Variants in STPG2 observed in about 807,000 individuals in gnomAD.
STPG2 encodes the protein sperm tail PG-rich repeat containing 2.
STPG2 carries 56 observed loss-of-function variants against 54.2 expected under a neutral mutation model. That is an observed-to-expected ratio of 1.03 (90% confidence interval 0.83 to 1.29). The LOEUF (loss-of-function observed/expected upper bound fraction) is 1.29, where lower values mean the gene tolerates loss of function less well. Ranked by LOEUF, STPG2 falls within the 50% of genes most tolerant of loss-of-function variation. The pLI, the probability that STPG2 is intolerant of heterozygous loss-of-function variation, is 0.00. For missense variants in STPG2, 596 were observed against 544.9 expected, an observed-to-expected ratio of 1.09 and a Z score of -0.93; for synonymous variants, 200 against 181.8, an observed-to-expected ratio of 1.10 and a Z score of -0.81.
intron 9 of STPG2, among the ~76,000 whole-genome samples, chr4:97,785,316 A>C (rs1726791136): frequency 6.6e-6 from 1 of 152,032 alleles, no homozygotes; most frequent in Non-Finnish European, 1.5e-5. Flanking sequence ...TTAATATATT[A>C]TAAAGATGTA....
chr4:97,646,399 C>A (rs73834109), intron 10 of STPG2, among the ~76,000 whole-genome samples: 2,558 of 152,146 alleles, frequency 0.017, 71 homozygotes, highest in African/African-American at 0.058. Flanking sequence ...AGTATATCTT[C>A]TTTCATTTCA....
intron 6 of STPG2, among the ~76,000 whole-genome samples, chr4:97,978,058 A>G (rs1734551523): frequency 6.6e-6 from 1 of 152,214 alleles, no homozygotes; most frequent in African/African-American, 2.4e-5. Context: ...CAAAGTGCCA[A>G]TAGTTCCTTT....
At chr4:97,831,752 A>G (rs1728471277) in intron 9 of STPG2, among the ~76,000 whole-genome samples, 1 of 152,240 alleles carries the variant, frequency 6.6e-6, no homozygotes, top group Middle Eastern at 3.2e-3. Flanking sequence ...CTCTACAGAA[A>G]TAAACTAGAA....
chr4:97,985,246 C>T (rs1734794251), intron 5 of STPG2, among the ~76,000 whole-genome samples: 3 of 152,118 alleles, frequency 2.0e-5, no homozygotes. Flanking sequence ...ATTAGAATTA[C>T]TTGAGGAATT....
chr4:97,520,572 C>A (rs944137771), intron 4 of STPG2, among the ~76,000 whole-genome samples: 4 of 151,998 alleles, frequency 2.6e-5, no homozygotes, highest in African/African-American at 9.7e-5. Context: ...TGTAAATTTC[C>A]TCTGTGTATA....
Position 97,840,864 on chromosome 4 carries a change from A to C in STPG2, c.1113T>G (p.Tyr371Ter). The change falls in exon 9 of 11, where the codon TAT (tyrosine) becomes TAG (stop). Residue 371 changes from tyrosine to a stop codon, truncating the protein, a stop_gained. Transcript: ENST00000295268. LOFTEE classifies it high-confidence loss of function. ...SYEMSQVKHKYMPPRSLVAKR... is the reference protein window; with the variant it reads ...SYEMSQVKHK ...TAGCCACTAAACTACGAGGTGGCAT[A>C]TATTTATGCTTAACTTGGGACATCT... 1 of 1,612,312 alleles carries C rather than the reference A, an allele frequency of 6.2e-7. No individual in the cohort carries two copies. The highest frequency in any genetic ancestry group is 1.3e-5 in the African/African-American group (1 of 74,928).
chr4:97,737,028 C>T (rs942721053), intron 9 of STPG2, among the ~76,000 whole-genome samples: 5 of 152,150 alleles, frequency 3.3e-5, no homozygotes, highest in African/African-American at 1.2e-4. Context: ...AGAGGAACGA[C>T]CAGACAGCAG....
At chr4:97,939,838 G>C (rs193255329) in intron 8 of STPG2, among the ~76,000 whole-genome samples, 5 of 152,168 alleles carry the variant, frequency 3.3e-5, no homozygotes, top group Non-Finnish European at 7.4e-5. Context: ...TTTGATCCTG[G>C]CATTGTGCTG....
At chr4:98,112,298 C>A (rs1739387095) in intron 3 of STPG2, among the ~76,000 whole-genome samples, 1 of 151,976 alleles carries the variant, frequency 6.6e-6, no homozygotes, top group African/African-American at 2.4e-5. Context: ...GTATCTGTAT[C>A]TTTGTAATCT....
intron 8 of STPG2, among the ~76,000 whole-genome samples, chr4:97,894,190 C>G (rs1730873972): frequency 6.6e-6 from 1 of 151,882 alleles, no homozygotes. Flanking sequence ...TATGAATTCA[C>G]TTTTGAAATC....
chr4:98,093,388 A>T (rs896900035), intron 5 of STPG2, among the ~76,000 whole-genome samples: 4 of 152,344 alleles, frequency 2.6e-5, no homozygotes, highest in South Asian at 4.1e-4. Context: ...GTTATGATTT[A>T]AAAAACTCAC....
At chr4:97,478,039 A>G (rs1174754954) in intron 4 of STPG2, among the ~76,000 whole-genome samples, 1 of 152,214 alleles carries the variant, frequency 6.6e-6, no homozygotes, top group Non-Finnish European at 1.5e-5. Context: ...AATACAAGGT[A>G]GAAACTAACA....
chr4:97,925,048 T>A (rs928899325), intron 8 of STPG2, among the ~76,000 whole-genome samples: 1 of 152,208 alleles, frequency 6.6e-6, no homozygotes, highest in African/African-American at 2.4e-5. Context: ...TCAAAACACA[T>A]GAGAAAATGT....
chr4:97,865,093 G>A (rs1729717062), intron 8 of STPG2, among the ~76,000 whole-genome samples: 1 of 152,060 alleles, frequency 6.6e-6, no homozygotes, highest in South Asian at 2.1e-4. Flanking sequence ...TTGACAAATG[G>A]GATCTCATTA....
chr4:97,480,153 G>C (rs558321936), intron 4 of STPG2, among the ~76,000 whole-genome samples: 13 of 151,430 alleles, frequency 8.6e-5, no homozygotes, highest in Non-Finnish European at 1.9e-4. Context: ...AGACAAATAA[G>C]GGAAAATTAT....
chr4:97,904,268 G>T (rs1402540510), intron 8 of STPG2, among the ~76,000 whole-genome samples: 1 of 152,234 alleles, frequency 6.6e-6, no homozygotes, highest in Non-Finnish European at 1.5e-5. Context: ...CAGGCAGACT[G>T]CCTCCTCAAG....
intron 5 of STPG2, among the ~76,000 whole-genome samples, chr4:98,001,026 T>C (rs1028648558): frequency 6.6e-6 from 1 of 152,166 alleles, no homozygotes; most frequent in Non-Finnish European, 1.5e-5. Context: ...TAACCAAACA[T>C]GAAATTGAGT....
chr4:98,112,053 A>G (rs1739377832), intron 3 of STPG2, among the ~76,000 whole-genome samples: 1 of 152,006 alleles, frequency 6.6e-6, no homozygotes, highest in African/African-American at 2.4e-5. Context: ...TTATTTCTCC[A>G]GCTTGCAGAC....
intron 4 of STPG2, among the ~76,000 whole-genome samples, chr4:97,487,037 C>T (rs1470513502): frequency 6.6e-6 from 1 of 151,152 alleles, no homozygotes; most frequent in African/African-American, 2.4e-5. Context: ...CATGTGGGAG[C>T]TAAGCTATGA....
Sources: allele counts gnomAD v4.1 joint callset (sites outside exome capture counted in the v4.1 genomes callset), GRCh38; gene constraint gnomAD v4.1.1; transcripts MANE v1.5; gene names NCBI Gene and HGNC (gene_info 2026-07-23, HGNC 2026-07-21).